Variants in GALNTL5 observed in about 807,000 individuals in gnomAD.
The protein encoded by GALNTL5 is inactive polypeptide N-acetylgalactosaminyltransferase-like protein 5.
A neutral mutation model predicts 51.0 loss-of-function variants in GALNTL5; 44 were observed. The ratio of observed to expected loss-of-function variants is 0.86; its 90% CI spans 0.68 to 1.11. GALNTL5 has a LOEUF of 1.11. Among genes scored for constraint, GALNTL5 ranks in the 50% least tolerant of loss-of-function variants. The pLI, the probability that GALNTL5 is intolerant of heterozygous loss-of-function variation, is 0.00. For synonymous variants in GALNTL5, 192 were observed against 182.8 expected (o/e 1.05, Z -0.41); for missense variants, 528 against 531.8 (o/e 0.99, Z 0.07).
At chr7:151,962,025 G>T (rs1358693332) in intron 1 of GALNTL5, among the ~76,000 whole-genome samples, 3 of 120,986 alleles carry the variant, frequency 2.5e-5, no homozygotes, top group South Asian at 2.6e-4. Context: ...TTTTTTAATG[G>T]AGTCTCTCGC....
chr7:152,009,597 A>G (rs1203287089), intron 7 of GALNTL5, among the ~76,000 whole-genome samples: 1 of 152,174 alleles, frequency 6.6e-6, no homozygotes, highest in Non-Finnish European at 1.5e-5. Context: ...GCTAGCATCC[A>G]GGTCCTCTGC....
At chr7:152,001,849 GA>G (rs1372313063) in intron 5 of GALNTL5, among the ~76,000 whole-genome samples, 6 of 152,200 alleles carry the variant, frequency 3.9e-5, no homozygotes, top group East Asian at 3.9e-4. Context: ...CAAAACATGA[GA>G]TTTTTTTATA....
Position 152,019,698 on chromosome 7 carries a change from T to C in GALNTL5, c.1229T>C (p.Ile410Thr). 1 of 1,614,054 alleles carries C rather than the reference T, an allele frequency of 6.2e-7. No homozygotes were observed. Residue 410 changes from isoleucine to threonine, a missense_variant, in exon 9 of 9, where the codon ATT becomes ACT. Transcript: ENST00000392800. Reference sequence around the variant, plus strand: ...CTGAAATATGTCACCTACGGAAATATTCGCGAGCGTGTTGAGTTAAGGAAA... The same window carrying C: ...CTGAAATATGTCACCTACGGAAATACTCGCGAGCGTGTTGAGTTAAGGAAA... ...PGLKYVTYGN[I>T]RERVELRKRL...
At chr7:152,015,462 C>T (rs1409727419) in intron 8 of GALNTL5, among the ~76,000 whole-genome samples, 3 of 151,258 alleles carry the variant, frequency 2.0e-5, no homozygotes, top group African/African-American at 7.3e-5. Flanking sequence ...CGGATTCAAG[C>T]GATCCTCCTG....
In GALNTL5 at chr7:151,979,106, C is replaced by CTTTTTTTTTTT. The variant is rs397888897; in HGVS notation, c.369-3870_369-3860dup. ...AAAGGCCATCCAAATTACTTTTACT[C>CTTTTTTTTTTT]TTTTTTTTTTTTTTTTTTTTGGAGA... is the stretch of plus-strand genomic sequence containing the variant. On this transcript the variant is annotated intron_variant, in intron 3 of 8. Transcript: ENST00000392800. Among the ~76,000 whole-genome samples the CTTTTTTTTTTT allele has an allele frequency of 4.2e-5, 3 of 71,164 alleles. 1 individual carries two copies. The highest frequency in any genetic ancestry group is 3.8e-4 in the Admixed American group (2 of 5,228). The allele number at this position is 71,164 out of a possible 152,430, so 46.7% of individuals were successfully genotyped here.
chr7:151,965,747 C>A (rs557003968), intron 1 of GALNTL5, among the ~76,000 whole-genome samples: 1 of 151,918 alleles, frequency 6.6e-6, no homozygotes, highest in African/African-American at 2.4e-5. Flanking sequence ...ATTAGCCACG[C>A]GTGGTGGCAT....
chr7:151,981,041 G>T (rs10271279), intron 3 of GALNTL5, among the ~76,000 whole-genome samples: 2 of 151,730 alleles, frequency 1.3e-5, no homozygotes, highest in Admixed American at 6.6e-5. Flanking sequence ...CACCGCGCCC[G>T]GCCACAATGA....
At chr7:152,009,747 CAGTAACTA>C (rs575874493) in intron 7 of GALNTL5, among the ~76,000 whole-genome samples, 83 of 152,306 alleles carry the variant, frequency 5.4e-4, no homozygotes, top group Non-Finnish European at 1.0e-3. Context: ...TCCCATGTTC[CAGTAACTA>C]AGGGAATAGC....
At chr7:151,981,800 A>G (rs1272815679) in intron 3 of GALNTL5, among the ~76,000 whole-genome samples, 3 of 149,788 alleles carry the variant, frequency 2.0e-5, no homozygotes, top group Non-Finnish European at 3.0e-5. Context: ...AGTGCGTGCC[A>G]CCACATCTGG....
chr7:151,996,479 C>T (rs921379185), intron 5 of GALNTL5, among the ~76,000 whole-genome samples: 6 of 152,270 alleles, frequency 3.9e-5, no homozygotes, highest in Middle Eastern at 3.4e-3. Context: ...GTGGCTCACG[C>T]CTGTAATCCC....
intron 8 of GALNTL5, among the ~76,000 whole-genome samples, chr7:152,018,524 A>G (rs941958784): frequency 1.3e-5 from 2 of 152,104 alleles, no homozygotes; most frequent in Non-Finnish European, 2.9e-5. Flanking sequence ...CTATTTCTGC[A>G]TGGTTTACTG....
At chr7:151,958,336 C>T (rs1372402712) in intron 1 of GALNTL5, among the ~76,000 whole-genome samples, 1 of 152,222 alleles carries the variant, frequency 6.6e-6, no homozygotes, top group African/African-American at 2.4e-5. Context: ...CATCTTCCAC[C>T]TTGGGCACCA....
chr7:152,002,185 CAGG>C (rs1333195489), intron 5 of GALNTL5, among the ~76,000 whole-genome samples: 1 of 151,924 alleles, frequency 6.6e-6, no homozygotes, highest in African/African-American at 2.4e-5. Flanking sequence ...GAGGCTGAGG[CAGG>C]AGAATTGCTT....
At chr7:151,964,558 C>T (rs945175993) in intron 1 of GALNTL5, among the ~76,000 whole-genome samples, 5 of 152,168 alleles carry the variant, frequency 3.3e-5, no homozygotes, top group African/African-American at 1.2e-4. Flanking sequence ...TGGCTTGCTC[C>T]TCCTTGCCTT....
chr7:151,958,631 T>A (rs1250398395), intron 1 of GALNTL5, among the ~76,000 whole-genome samples: 1 of 92,840 alleles, frequency 1.1e-5, no homozygotes, highest in Non-Finnish European at 2.0e-5. Flanking sequence ...TCCAGCCCAC[T>A]GGTGCTCCTA....
At chr7:151,981,310 G>T (rs76989605) in intron 3 of GALNTL5, among the ~76,000 whole-genome samples, 3 of 152,096 alleles carry the variant, frequency 2.0e-5, no homozygotes, top group Admixed American at 2.0e-4. Context: ...TACTTACTGC[G>T]TGCCAGGCAC....
intron 5 of GALNTL5, among the ~76,000 whole-genome samples, chr7:151,987,862 G>T (rs1025786123): frequency 6.6e-6 from 1 of 152,242 alleles, no homozygotes; most frequent in Non-Finnish European, 1.5e-5. Flanking sequence ...GAGCCCCATT[G>T]CAAAGGCTGC....
intron 6 of GALNTL5, among the ~76,000 whole-genome samples, 162 bp from the exon 7 acceptor site, chr7:152,007,665 G>A (rs1275437187): frequency 4.6e-5 from 7 of 151,914 alleles, no homozygotes; most frequent in Non-Finnish European, 7.4e-5. Context: ...TAATGCACCC[G>A]CCTCGGCCTC....
chr7:151,956,705 G>T (rs1237204341), intron 1 of GALNTL5, 96 bp downstream of exon 1: 6 of 152,094 alleles, frequency 3.9e-5, no homozygotes, highest in African/African-American at 1.4e-4. Flanking sequence ...TCAAATCACT[G>T]CGTCTTGAAG....
Sources: gnomAD v4.1 joint callset for allele counts (sites outside exome capture counted in the v4.1 genomes callset) on GRCh38, gnomAD v4.1.1 for gene constraint, MANE v1.5 for transcripts, NCBI Gene and HGNC (gene_info 2026-07-23, HGNC 2026-07-21) for gene names.